Variants in SLC35A3 observed in about 807,000 individuals in gnomAD.
SLC35A3 encodes the protein solute carrier family 35 member A3.
A neutral mutation model predicts 39.0 loss-of-function variants in SLC35A3; 26 were observed. The observed-to-expected ratio is 0.67, with a 90% CI of 0.49 to 0.92. SLC35A3 has a LOEUF of 0.92. SLC35A3 is among the 40% of genes least tolerant of loss of function. The probability of loss-of-function intolerance (pLI) is 0.00; values close to 1 mark genes in which losing one functional copy is unlikely to be tolerated. For missense variants in SLC35A3, 299 were observed against 371.6 expected (o/e 0.80, Z 1.61); for synonymous variants, 135 against 133.1 (o/e 1.01, Z -0.10).
intron 7 of SLC35A3, among the ~76,000 whole-genome samples, chr1:100,019,192 C>T (rs1487939046): frequency 3.3e-5 from 5 of 149,888 alleles, no homozygotes; most frequent in East Asian, 1.9e-4. Context: ...TATGTAAGGC[C>T]GAGGTAATTA....
In SLC35A3 at chr1:100,019,393, ATG is replaced by A. The variant is rs879815704; in HGVS notation, c.887+1579_887+1580del. On this transcript the variant is annotated intron_variant, in intron 7 of 7. Coordinates refer to ENST00000533028, the MANE Select transcript of SLC35A3 (RefSeq NM_012243.3). ...GATACTGCCATTATTGAATGAATGA[ATG>A]AATGAATGAATGAATGAATGAATAT... is the stretch of plus-strand genomic sequence containing the variant. Among the ~76,000 whole-genome samples the A allele has an allele frequency of 9.0e-3, 1,350 of 150,718 alleles. 9 individuals are homozygous for A. Among genetic ancestry groups the A allele is most frequent in the Middle Eastern group, 0.055 (16 of 290 alleles).
At chr1:99,971,463 C>A (rs1414315840) in intron 1 of SLC35A3, among the ~76,000 whole-genome samples, 2 of 152,000 alleles carry the variant, frequency 1.3e-5, no homozygotes, top group South Asian at 2.1e-4. Flanking sequence ...CCCGCCGCCA[C>A]GCCCGGCTAA....
intron 1 of SLC35A3, among the ~76,000 whole-genome samples, chr1:99,973,436 G>A (rs1213455406): frequency 2.6e-5 from 4 of 152,174 alleles, no homozygotes; most frequent in South Asian, 2.1e-4. Flanking sequence ...ATGAAGGAGT[G>A]TAGTGGTTAT....
intron 2 of SLC35A3, among the ~76,000 whole-genome samples, chr1:99,994,529 TA>T (rs1381423310): frequency 1.3e-5 from 2 of 152,210 alleles, no homozygotes; most frequent in African/African-American, 4.8e-5. Context: ...AAATATTTCA[TA>T]TAAGTAGAAT....
chr1:100,029,995 T>G lies in SLC35A3; in HGVS notation c.*7519T>G. ...TAAACCTTTTACCTGTACTGCATAT[T>G]AATAAACAATTTTGAACTAATTTTA... On this transcript the variant is annotated 3_prime_UTR_variant, in exon 8 of 8. Coordinates refer to ENST00000533028, the MANE Select transcript of SLC35A3 (RefSeq NM_012243.3). 1 of 152,186 alleles carries G rather than the reference T, an allele frequency of 6.6e-6. No homozygotes were observed. Among genetic ancestry groups the G allele is most frequent in the East Asian group, 1.9e-4 (1 of 5,196 alleles). The allele number at this position is 152,186 out of a possible 1,614,324, so 9.4% of individuals were successfully genotyped here. A position where few individuals can be genotyped will look rare whatever the true frequency, so the allele number is the denominator to read the frequency against.
chr1:100,012,152 C>T (rs986815732), intron 5 of SLC35A3, among the ~76,000 whole-genome samples: 23 of 151,968 alleles, frequency 1.5e-4, no homozygotes, highest in Non-Finnish European at 1.3e-4. Flanking sequence ...GGCATGGTGG[C>T]GCGCACCTGT....
intron 1 of SLC35A3, among the ~76,000 whole-genome samples, chr1:99,983,074 G>T (rs1005544841): frequency 6.6e-6 from 1 of 151,986 alleles, no homozygotes; most frequent in Non-Finnish European, 1.5e-5. Context: ...TACAATAGTT[G>T]ATTATTATAT....
chr1:100,007,049 A>G lies in SLC35A3; in HGVS notation c.358A>G (p.Lys120Glu), dbSNP rs1325725857. 2 of 1,607,094 alleles carry G rather than the reference A, an allele frequency of 1.2e-6. No individual in the cohort carries two copies. The highest frequency in any genetic ancestry group is 2.7e-5 in the African/African-American group (2 of 74,468). Residue 120 changes from lysine (K) to glutamate (E), a missense_variant, in exon 4 of 8, where the codon AAA (lysine) becomes GAA (glutamate). Physicochemically the swap from Lys to Glu is moderately conservative, Grantham distance 56. Transcript: ENST00000533028. The stretch of plus-strand genomic sequence containing the variant: ...TCTTTTTCAGGTCACGTATCAGTTA[A>G]AAATTCTTACAACAGCATTATTTTC... ...AATYQVTYQL[K>E]ILTTALFSVS...
intron 1 of SLC35A3, among the ~76,000 whole-genome samples, chr1:99,971,236 A>G (rs1022389138): frequency 2.6e-5 from 4 of 152,062 alleles, no homozygotes; most frequent in African/African-American, 7.2e-5. Context: ...TAAATTTTAT[A>G]TTATTTAGGG....
At chr1:100,000,612 C>G (rs1215821900) in intron 3 of SLC35A3, 1 of 151,126 alleles carries the variant, frequency 6.6e-6, no homozygotes, top group African/African-American at 2.4e-5. Flanking sequence ...TGCTTTTTTT[C>G]TTATGTATTT....
intron 6 of SLC35A3, among the ~76,000 whole-genome samples, chr1:100,016,810 A>G (rs1660172608): frequency 6.6e-6 from 1 of 152,208 alleles, no homozygotes; most frequent in Non-Finnish European, 1.5e-5. Context: ...ATTCCAGCAA[A>G]GAGAAGAAGC....
chr1:100,011,340 C>A (rs1209291613), intron 4 of SLC35A3, 25 bp from the exon 5 acceptor site: 3 of 1,303,598 alleles, frequency 2.3e-6, no homozygotes, highest in Non-Finnish European at 3.1e-6. Context: ...AATTAAACTT[C>A]AATTTTATTT....
chr1:99,991,543 G>C (rs1418540275), intron 1 of SLC35A3, among the ~76,000 whole-genome samples: 1 of 152,126 alleles, frequency 6.6e-6, no homozygotes, highest in East Asian at 1.9e-4. Flanking sequence ...TGATGGTCTA[G>C]GTCCTTTGTA....
intron 3 of SLC35A3, among the ~76,000 whole-genome samples, chr1:100,002,782 A>AT (rs35227168): frequency 0.23 from 32,753 of 145,330 alleles, 4,896 homozygotes; most frequent in African/African-American, 0.44. Context: ...ATGCCGGTTA[A>AT]TTTTTTTTTT....
intron 1 of SLC35A3, among the ~76,000 whole-genome samples, chr1:99,976,185 G>C (rs755811573): frequency 2.0e-5 from 3 of 152,168 alleles, no homozygotes; most frequent in Admixed American, 1.3e-4. Flanking sequence ...CTTCAGTTAG[G>C]CAGAGTGGCA....
chr1:100,006,891 C>G, intron 3 of SLC35A3, 143 bp from the exon 4 acceptor site: 1 of 927,044 alleles, frequency 1.1e-6, no homozygotes. Flanking sequence ...CTGGCATTAA[C>G]TGAAGCTTTA....
chr1:99,980,814 T>G (rs1214294995), intron 1 of SLC35A3, among the ~76,000 whole-genome samples: 1 of 152,212 alleles, frequency 6.6e-6, no homozygotes, highest in African/African-American at 2.4e-5. Context: ...GGGAGGCTAT[T>G]GTTTCTATCA....
intron 3 of SLC35A3, among the ~76,000 whole-genome samples, chr1:100,006,089 A>C (rs1381393778): frequency 6.6e-6 from 1 of 152,082 alleles, no homozygotes; most frequent in Non-Finnish European, 1.5e-5. Flanking sequence ...TATAGTCTCT[A>C]TATGATTTCT....
chr1:100,015,366 G>T lies in SLC35A3; in HGVS notation c.699G>T (p.Lys233Asn), dbSNP rs1266794648. The T allele has an allele frequency of 6.2e-7, 1 of 1,613,230 alleles. No homozygotes were observed. The highest frequency in any genetic ancestry group is 1.7e-5 in the Admixed American group (1 of 59,894). Reference sequence around the variant, plus strand: ...TTTATGATGGAGAACTGGTATCAAAGAATGGATTTTTTCAGGGATATAACC... The same window carrying T: ...TTTATGATGGAGAACTGGTATCAAATAATGGATTTTTTCAGGGATATAACC... ...VYIYDGELVS[K>N]NGFFQGYNRL... is the part of the protein sequence containing the mutation. The change falls in exon 6 of 8, where the codon AAG becomes AAT. Residue 233 changes from lysine to asparagine, a missense_variant. Lys to Asn is a moderately conservative substitution (Grantham distance 94). Coordinates refer to ENST00000533028, the MANE Select transcript of SLC35A3 (RefSeq NM_012243.3).
Sources: gnomAD v4.1 joint callset for allele counts (sites outside exome capture counted in the v4.1 genomes callset) on GRCh38, gnomAD v4.1.1 for gene constraint, MANE v1.5 for transcripts, NCBI Gene and HGNC (gene_info 2026-07-23, HGNC 2026-07-21) for gene names.